Variants in PLEKHH1 observed in about 807,000 individuals in gnomAD.
PLEKHH1 encodes the protein pleckstrin homology domain-containing family H member 1.
Under a neutral mutation model 160.0 loss-of-function variants are expected in PLEKHH1, and 104 were observed. The ratio of observed to expected loss-of-function variants is 0.65; its 90% CI spans 0.55 to 0.76. The LOEUF (loss-of-function observed/expected upper bound fraction) is 0.76, where lower values mean the gene tolerates loss of function less well. PLEKHH1 is among the 30% of genes least tolerant of loss of function. PLEKHH1 has a pLI of 0.00. For missense variants in PLEKHH1, 1,427 were observed against 1,724.1 expected (o/e 0.83, Z 3.05); for synonymous variants, 619 against 678.4 (o/e 0.91, Z 1.36).
chr14:67,562,128 G>C lies in PLEKHH1; in HGVS notation c.506-9G>C. 2 of 1,610,844 alleles carry C rather than the reference G, an allele frequency of 1.2e-6. No homozygotes were observed. Among genetic ancestry groups the C allele is most frequent in the African/African-American group, 1.3e-5 (1 of 74,932 alleles). ...GCTCTCAATGTGACTGTTTTTACCC[G>C]AATCACAGCTATTCAGATAGCTCCT... On this transcript the variant is annotated splice_polypyrimidine_tract_variant and intron_variant, in intron 6 of 28. Coordinates refer to ENST00000329153, the MANE Select transcript of PLEKHH1 (RefSeq NM_020715.3).
At chr14:67,586,237 T>G in intron 28 of PLEKHH1, 140 bp downstream of exon 28, 1 of 1,156,278 alleles carries the variant, frequency 8.6e-7, no homozygotes, top group East Asian at 2.3e-5. Flanking sequence ...TAATTAGTAT[T>G]CCAAAGGTTC....
Position 67,541,893 on chromosome 14 carries a change from C to T in PLEKHH1, c.26C>T (p.Pro9Leu), listed in dbSNP as rs759623392. The T allele has an allele frequency of 2.8e-5, 45 of 1,602,330 alleles. No individual in the cohort carries two copies. Among genetic ancestry groups the T allele is most frequent in the Non-Finnish European group, 3.8e-5 (45 of 1,174,686 alleles). MAELKVEA[P>L]ASVDWQKRCL... ...ATGGCAGAACTCAAGGTGGAGGCGC[C>T]GGCCAGCGTAGACTGGCAGAAACGC... Residue 9 changes from proline (P) to leucine (L), a missense_variant, in exon 2 of 29, where the codon CCG becomes CTG. Physicochemically the swap from Pro to Leu is moderately conservative, Grantham distance 98. This residue lies in a region of PLEKHH1 where 831 missense variants were observed against 929.2 expected (regional missense o/e 0.89). Coordinates refer to ENST00000329153, the MANE Select transcript of PLEKHH1 (RefSeq NM_020715.3).
chr14:67,538,743 A>G (rs2033845499), intron 1 of PLEKHH1, among the ~76,000 whole-genome samples: 1 of 152,132 alleles, frequency 6.6e-6, no homozygotes. Context: ...GCAACTTGCC[A>G]GGGAGAGGGT....
chr14:67,547,450 C>A (rs998277679), intron 2 of PLEKHH1, among the ~76,000 whole-genome samples: 1 of 152,188 alleles, frequency 6.6e-6, no homozygotes, highest in Non-Finnish European at 1.5e-5. Flanking sequence ...GGAAGAGATG[C>A]CTTGGGTTTC....
At chr14:67,577,886 A>T (rs974639000) in intron 18 of PLEKHH1, 137 bp from the exon 19 acceptor site, 2 of 700,632 alleles carry the variant, frequency 2.9e-6, no homozygotes, top group Non-Finnish European at 4.8e-6. Context: ...GCCCTCCAAC[A>T]GTAGCAGTGC....
Position 67,562,780 on chromosome 14 carries a change from C to A in PLEKHH1, c.1149C>A (p.Pro383=). The part of the protein sequence containing the change: ...EPEKMEMEEP[P]PAGKNEERES... ...AGAAGATGGAGATGGAGGAGCCACC[C>A]CCAGCAGGGAAGAATGAGGAAAGAG... Residue 383 remains proline, a synonymous_variant, in exon 7 of 29, where the codon CCC becomes CCA. Coordinates refer to ENST00000329153, the MANE Select transcript of PLEKHH1 (RefSeq NM_020715.3). 6.2e-7 allele frequency: 1 copy of A among 1,613,778 alleles called. No individual in the cohort carries two copies. Among genetic ancestry groups the A allele is most frequent in the Non-Finnish European group, 8.5e-7 (1 of 1,179,784 alleles).
At chr14:67,551,036 C>T (rs944779741) in intron 2 of PLEKHH1, among the ~76,000 whole-genome samples, 7 of 152,178 alleles carry the variant, frequency 4.6e-5, no homozygotes, top group African/African-American at 1.4e-4. Flanking sequence ...CATGTATATA[C>T]ACACAGCCCT....
chr14:67,543,384 C>T (rs1192477671), intron 2 of PLEKHH1, among the ~76,000 whole-genome samples: 1 of 152,202 alleles, frequency 6.6e-6, no homozygotes, highest in East Asian at 1.9e-4. Context: ...CTTTGCAAAA[C>T]AGAGATGTGC....
Position 67,559,526 on chromosome 14 carries a change from C to A in PLEKHH1, c.340-82C>A, listed in dbSNP as rs761095381. The A allele has an allele frequency of 2.2e-4, 205 of 924,370 alleles. 2 individuals are homozygous for A. The highest frequency in any genetic ancestry group is 2.9e-4 in the Non-Finnish European group (167 of 576,080). The allele number at this position is 924,370 out of a possible 1,614,324, so 57.3% of individuals were successfully genotyped here. A position where few individuals can be genotyped will look rare whatever the true frequency, so the allele number is the denominator to read the frequency against. Reference sequence around the variant, plus strand: ...CGAGGTCAGTGGCACGCACACTTGGCCTTTCTTGGGGTTTCCCACCTCCAG... The same window carrying A: ...CGAGGTCAGTGGCACGCACACTTGGACTTTCTTGGGGTTTCCCACCTCCAG... On this transcript the variant is annotated intron_variant, in intron 4 of 28. Transcript: ENST00000329153.
In PLEKHH1 at chr14:67,584,092, CCTTT is replaced by C. The variant is rs1566766182; in HGVS notation, c.3672_3675del (p.Phe1224LeufsTer25). 7 of 1,613,792 alleles carry C rather than the reference CCTTT, an allele frequency of 4.3e-6. No homozygotes were observed. The highest frequency in any genetic ancestry group is 5.1e-6 in the Non-Finnish European group (6 of 1,179,886). On this transcript the variant is annotated frameshift_variant, in exon 26 of 29. Transcript: ENST00000329153. LOFTEE classifies it high-confidence loss of function. ...CTACCTGACCGTGGCCAGGAAATGG[CCTTT>C]CTTTGGTGCTAAACTTTTTGCTGCT...
chr14:67,557,391 C>G lies in PLEKHH1; in HGVS notation c.312C>G (p.Ser104Arg). 6.2e-7 allele frequency: 1 copy of G among 1,613,714 alleles called. No homozygotes were observed. The highest frequency in any genetic ancestry group is 8.5e-7 in the Non-Finnish European group (1 of 1,179,818). Residue 104 changes from serine (S) to arginine (R), a missense_variant, in exon 4 of 29, where the codon AGC (serine) becomes AGG (arginine). This residue lies in a region of PLEKHH1 where 831 missense variants were observed against 929.2 expected (regional missense o/e 0.89). Coordinates refer to ENST00000329153, the MANE Select transcript of PLEKHH1 (RefSeq NM_020715.3). ...TAAAGGGCAAAGATGAGCTCATCAG[C>G]CAGCTAGAGGCTCAGCTGGAGAAGC... ...KAIKGKDELI[S>R]QLEAQLEKQK...
At position 67,562,621 on chromosome 14, in the gene PLEKHH1, G is replaced by T. The variant is rs572370589; in HGVS notation, c.990G>T (p.Arg330Ser). 13 of 1,613,076 alleles carry T rather than the reference G, an allele frequency of 8.1e-6. No individual in the cohort carries two copies. The highest frequency in any genetic ancestry group is 1.1e-5 in the Non-Finnish European group (13 of 1,179,574). ...TPRDSIQLAK[R>S]HHSQPQVGHG... ...GGGACAGCATCCAGTTGGCCAAAAG[G>T]CACCACAGCCAGCCCCAGGTGGGCC... Residue 330 changes from arginine (R) to serine (S), a missense_variant, in exon 7 of 29, where the codon AGG becomes AGT. Around this residue, in one of 6 missense-constraint regions of PLEKHH1, gnomAD observed 831 missense variants for 929.2 expected, o/e 0.89. Coordinates refer to ENST00000329153, the MANE Select transcript of PLEKHH1 (RefSeq NM_020715.3).
chr14:67,545,473 T>C (rs548578864), intron 2 of PLEKHH1, among the ~76,000 whole-genome samples: 1 of 151,754 alleles, frequency 6.6e-6, no homozygotes, highest in Non-Finnish European at 1.5e-5. Context: ...CTCAAATCAG[T>C]AGAGAGAGGA....
chr14:67,548,862 A>C (rs2140355880), intron 2 of PLEKHH1, among the ~76,000 whole-genome samples: 1 of 152,338 alleles, frequency 6.6e-6, no homozygotes, highest in Non-Finnish European at 1.5e-5. Context: ...TTTGGAGTAT[A>C]ACTCAGTTTT....
rs2034870759 is a variant in PLEKHH1 at position 67,562,183 on chromosome 14, A to T, written c.552A>T (p.Gly184=). ...PSRKLLVPPY[G]AAEQDSVPSE... Reference sequence around the variant, plus strand: ...GGAAGCTGCTGGTGCCCCCCTACGGAGCTGCAGAGCAGGATTCTGTCCCTT... The same window carrying T: ...GGAAGCTGCTGGTGCCCCCCTACGGTGCTGCAGAGCAGGATTCTGTCCCTT... The change falls in exon 7 of 29, where the codon GGA becomes GGT. Residue 184 remains glycine (G), a synonymous_variant. Coordinates refer to ENST00000329153, the MANE Select transcript of PLEKHH1 (RefSeq NM_020715.3). 2 of 1,611,616 alleles carry T rather than the reference A, an allele frequency of 1.2e-6. No individual in the cohort carries two copies. The highest frequency in any genetic ancestry group is 1.3e-5 in the African/African-American group (1 of 74,990).
At position 67,548,489 on chromosome 14, in the gene PLEKHH1, G is replaced by A. The variant is rs529398411; in HGVS notation, c.126+6496G>A. On this transcript the variant is annotated intron_variant, in intron 2 of 28. Transcript: ENST00000329153. Reference sequence around the variant, plus strand: ...AAGGCGGGCAGATCACCTGAGGTCGGGAGTTTGAGACCAGCCTGACCAACA... The same window carrying A: ...AAGGCGGGCAGATCACCTGAGGTCGAGAGTTTGAGACCAGCCTGACCAACA... 2.9e-3 allele frequency among the ~76,000 whole-genome samples: 448 copies of A among 152,238 alleles called. 2 individuals are homozygous for A. Among genetic ancestry groups the A allele is most frequent in the Middle Eastern group, 0.014 (4 of 294 alleles).
chr14:67,562,274 G>T lies in PLEKHH1; in HGVS notation c.643G>T (p.Val215Leu). 1 of 1,613,622 alleles carries T rather than the reference G, an allele frequency of 6.2e-7. No individual in the cohort carries two copies. The highest frequency in any genetic ancestry group is 8.5e-7 in the Non-Finnish European group (1 of 1,179,736). The part of the protein sequence containing the change: ...GSQAQGLKAA[V>L]LAPSPGALQS... ...CCAGGCCCAGGGTCTGAAGGCAGCT[G>T]TGCTTGCACCTTCCCCAGGTGCCCT... The change falls in exon 7 of 29, where the codon GTG becomes TTG. Residue 215 changes from valine to leucine, a missense_variant. Coordinates refer to ENST00000329153, the MANE Select transcript of PLEKHH1 (RefSeq NM_020715.3).
Position 67,573,196 on chromosome 14 carries a change from CTGGACCACT to C in PLEKHH1, c.1729-73_1729-65del. On this transcript the variant is annotated intron_variant, in intron 11 of 28. Coordinates refer to ENST00000329153, the MANE Select transcript of PLEKHH1 (RefSeq NM_020715.3). The surrounding 1 kb of genome is among the most constrained non-coding windows in gnomAD (Gnocchi z 4.8). ...AATTGATGACCGAGTAGTGAGGCAG[CTGGACCACT>C]TGGACCTGTGTGATGTCTAGGAGCC... 5 of 842,504 alleles carry C rather than the reference CTGGACCACT, an allele frequency of 5.9e-6. No individual in the cohort carries two copies. The highest frequency in any genetic ancestry group is 1.0e-5 in the Non-Finnish European group (5 of 500,168). 52.2% of individuals were successfully genotyped at this position (842,504 alleles called of 1,614,324 possible).
At position 67,583,727 on chromosome 14, in the gene PLEKHH1, T is replaced by A. The variant is rs1594795597; in HGVS notation, c.3427-14T>A. On this transcript the variant is annotated splice_polypyrimidine_tract_variant and intron_variant, in intron 24 of 28. Transcript: ENST00000329153. ...TCAGATTTTGACTGGTCTCTTCATA[T>A]GCTTCTACCACAGGTAGAATATGGG... 1 of 1,604,794 alleles carries A rather than the reference T, an allele frequency of 6.2e-7. No individual in the cohort carries two copies. Among genetic ancestry groups the A allele is most frequent in the Admixed American group, 1.7e-5 (1 of 59,088 alleles).
Sources: allele counts gnomAD v4.1 joint callset (sites outside exome capture counted in the v4.1 genomes callset), GRCh38; gene constraint gnomAD v4.1.1; regional missense constraint gnomAD v4.1.1; non-coding constraint Gnocchi (gnomAD v3.1); transcripts MANE v1.5; gene names NCBI Gene and HGNC (gene_info 2026-07-23, HGNC 2026-07-21).